The following RALYL variants were observed in gnomAD, a reference collection of about 807,000 sequenced individuals.
The protein encoded by RALYL is RNA-binding Raly-like protein.
Under a neutral mutation model 35.1 loss-of-function variants are expected in RALYL, and 29 were observed. That is an observed-to-expected ratio of 0.83 (90% CI 0.61 to 1.13). The LOEUF (loss-of-function observed/expected upper bound fraction) is 1.13. RALYL is among the 50% of genes most tolerant of loss of function. RALYL has a pLI of 0.00. For synonymous variants in RALYL, 120 were observed against 127.6 expected, an observed-to-expected ratio of 0.94 and a Z score of 0.40; for missense variants, 359 against 360.4, an observed-to-expected ratio of 1.00 and a Z score of 0.03.
chr8:84,337,810 A>C (rs1436864760), intron 1 of RALYL, among the ~76,000 whole-genome samples: 1 of 152,028 alleles, frequency 6.6e-6, no homozygotes, highest in Non-Finnish European at 1.5e-5. Flanking sequence ...AAGACACTCA[A>C]CTCACCTTTT....
chr8:84,688,740 TAAG>T (rs1330577156), intron 2 of RALYL, among the ~76,000 whole-genome samples: 1 of 152,042 alleles, frequency 6.6e-6, no homozygotes, highest in Non-Finnish European at 1.5e-5. Flanking sequence ...TGCATCAAAC[TAAG>T]AAGCTTTTTC....
In RALYL at chr8:84,522,128, A is replaced by T. The variant is rs142850247; in HGVS notation, c.-23-7171A>T. On this transcript the variant is annotated intron_variant, in intron 1 of 8. Coordinates refer to ENST00000521268, the MANE Select transcript of RALYL (RefSeq NM_173848.7). ...GTGGTATTTTAAGCTATTTTTATTT[A>T]TAAAATCTCTTACATTAATCAGTTT... Among the ~76,000 whole-genome samples the T allele has an allele frequency of 2.9e-4, 44 of 152,200 alleles. No individual in the cohort carries two copies. In the East Asian group the frequency reaches 8.3e-3, roughly 29 times the overall value.
At chr8:84,780,798 A>G (rs1185803554) in intron 3 of RALYL, among the ~76,000 whole-genome samples, 1 of 152,206 alleles carries the variant, frequency 6.6e-6, no homozygotes, top group Non-Finnish European at 1.5e-5. Context: ...CCTCATCATT[A>G]TGATTATTCA....
intron 4 of RALYL, among the ~76,000 whole-genome samples, chr8:84,849,190 A>C (rs1417135541): frequency 1.3e-5 from 2 of 152,196 alleles, no homozygotes. Flanking sequence ...TAATACTGTT[A>C]TCTCTGAAAT....
chr8:84,499,952 G>A (rs1420297419), intron 1 of RALYL, among the ~76,000 whole-genome samples: 1 of 152,008 alleles, frequency 6.6e-6, no homozygotes, highest in Non-Finnish European at 1.5e-5. Context: ...GCTAGGATCT[G>A]GCTATGTTGT....
Position 84,469,429 on chromosome 8 carries a change from G to T in RALYL, c.-23-59870G>T, listed in dbSNP as rs993771302. On this transcript the variant is annotated intron_variant, in intron 1 of 8. Coordinates refer to ENST00000521268, the MANE Select transcript of RALYL (RefSeq NM_173848.7). ...GTGAGGTGTCAGTGTGCCCCTGCTG[G>T]GGGGTGCCTCCCAGTTAGGCTGCTC... 2.5e-4 allele frequency among the ~76,000 whole-genome samples: 38 copies of T among 152,256 alleles called. 1 individual carries two copies. The highest frequency in any genetic ancestry group is 1.6e-3 in the Admixed American group (24 of 15,298).
chr8:84,796,522 T>C (rs892168474), intron 3 of RALYL, among the ~76,000 whole-genome samples: 1 of 152,216 alleles, frequency 6.6e-6, no homozygotes, highest in Non-Finnish European at 1.5e-5. Context: ...TGTTTTAATA[T>C]GCAAAATATT....
At chr8:84,354,904 C>CGT (rs1851540143) in intron 1 of RALYL, among the ~76,000 whole-genome samples, 1 of 150,340 alleles carries the variant, frequency 6.7e-6, no homozygotes, top group Non-Finnish European at 1.5e-5. Context: ...GGTAAATGTA[C>CGT]CACCTTCCTG....
intron 2 of RALYL, among the ~76,000 whole-genome samples, chr8:84,606,998 G>A (rs929781690): frequency 6.6e-6 from 1 of 150,754 alleles, no homozygotes; most frequent in Non-Finnish European, 1.5e-5. Flanking sequence ...GAAGTGGGGT[G>A]TGTGTGTGTG....
chr8:84,229,353 C>G (rs1188664480), intron 1 of RALYL, among the ~76,000 whole-genome samples: 2 of 152,102 alleles, frequency 1.3e-5, no homozygotes, highest in African/African-American at 4.8e-5. Context: ...TGAACTGAGT[C>G]TTGAGAAATA....
intron 1 of RALYL, among the ~76,000 whole-genome samples, chr8:84,419,397 C>A (rs1298963992): frequency 2.0e-5 from 3 of 152,086 alleles, no homozygotes; most frequent in African/African-American, 7.2e-5. Context: ...GCCTGGAACT[C>A]ACTGCCTTTC....
At chr8:84,645,389 A>G (rs886068917) in intron 2 of RALYL, among the ~76,000 whole-genome samples, 1 of 151,596 alleles carries the variant, frequency 6.6e-6, no homozygotes, top group African/African-American at 2.4e-5. Flanking sequence ...AGTAATCTTA[A>G]TTTTTCTGTT....
At chr8:84,671,033 T>C (rs1244530820) in intron 2 of RALYL, among the ~76,000 whole-genome samples, 1 of 152,116 alleles carries the variant, frequency 6.6e-6, no homozygotes, top group Non-Finnish European at 1.5e-5. Flanking sequence ...CTATATACAA[T>C]GGGGGTACAG....
At chr8:84,213,456 T>A (rs766587218) in intron 1 of RALYL, among the ~76,000 whole-genome samples, 2 of 152,134 alleles carry the variant, frequency 1.3e-5, no homozygotes, top group Admixed American at 1.3e-4. Context: ...AGAATAGAAA[T>A]TTTCTGCAAA....
rs571373589 is a variant in RALYL at position 84,297,786 on chromosome 8, C to G, written c.-24+113362C>G. Among the ~76,000 whole-genome samples, 199 of 152,178 alleles carry G rather than the reference C, an allele frequency of 1.3e-3. 1 individual carries two copies. The highest frequency in any genetic ancestry group is 1.5e-4 in the Non-Finnish European group (10 of 67,986). ...CTCATTGTGGTTTTGATTTGCATTTCTCTAATGATTAGTGTTATTGAGCAT... is the reference window on the plus strand; with the variant it reads ...CTCATTGTGGTTTTGATTTGCATTTGTCTAATGATTAGTGTTATTGAGCAT... On this transcript the variant is annotated intron_variant, in intron 1 of 8. Coordinates refer to ENST00000521268, the MANE Select transcript of RALYL (RefSeq NM_173848.7).
chr8:84,412,904 A>C lies in RALYL; in HGVS notation c.-23-116395A>C, dbSNP rs183593744. Among the ~76,000 whole-genome samples, 418 of 152,090 alleles carry C rather than the reference A, an allele frequency of 2.7e-3. 3 individuals are homozygous for C. Among genetic ancestry groups the C allele is most frequent in the African/African-American group, 9.4e-3 (392 of 41,550 alleles). The stretch of plus-strand genomic sequence containing the variant: ...GTGCACCTGGTAATTGGTGACCTTA[A>C]CAAGTGGTTATGACAGCAAAGTCCT... On this transcript the variant is annotated intron_variant, in intron 1 of 8. Transcript: ENST00000521268.
intron 1 of RALYL, among the ~76,000 whole-genome samples, chr8:84,222,573 T>C (rs891146576): frequency 2.6e-5 from 4 of 152,120 alleles, no homozygotes; most frequent in African/African-American, 9.7e-5. Flanking sequence ...GAATACTTTA[T>C]CCCACCTTGG....
At chr8:84,678,931 T>C (rs1365118788) in intron 2 of RALYL, 1 of 237,142 alleles carries the variant, frequency 4.2e-6, no homozygotes, top group African/African-American at 2.3e-5. Flanking sequence ...TCTAGGCAGA[T>C]TAAGCAGGTT....
chr8:84,658,934 T>C (rs1028130091), intron 2 of RALYL, among the ~76,000 whole-genome samples: 2 of 151,896 alleles, frequency 1.3e-5, no homozygotes, highest in African/African-American at 4.8e-5. Flanking sequence ...GGCTCTCTAA[T>C]AGAAAACAAA....
Sources: gnomAD v4.1 joint callset for allele counts (sites outside exome capture counted in the v4.1 genomes callset) on GRCh38, gnomAD v4.1.1 for gene constraint, MANE v1.5 for transcripts, NCBI Gene and HGNC (gene_info 2026-07-23, HGNC 2026-07-21) for gene names.